ZSWIM5: variants seen among roughly 807,000 people sequenced by gnomAD.
The protein encoded by ZSWIM5 is zinc finger SWIM domain-containing protein 5.
Under a neutral mutation model 119.6 loss-of-function variants are expected in ZSWIM5, and 55 were observed. The observed-to-expected ratio is 0.46, with a 90% confidence interval of 0.37 to 0.58. The LOEUF (loss-of-function observed/expected upper bound fraction) is 0.58, where lower values mean the gene tolerates loss of function less well. ZSWIM5 is among the 20% of genes least tolerant of loss of function. ZSWIM5 has a pLI of 0.00. For synonymous variants in ZSWIM5, 537 were observed against 606.9 expected, an observed-to-expected ratio of 0.88 and a Z score of 1.69; for missense variants, 1,193 against 1,512.8, an observed-to-expected ratio of 0.79 and a Z score of 3.51.
chr1:45,167,778 C>T (rs1287569750), intron 1 of ZSWIM5, among the ~76,000 whole-genome samples: 2 of 152,124 alleles, frequency 1.3e-5, no homozygotes, highest in Non-Finnish European at 1.5e-5. Flanking sequence ...CAATGAGATA[C>T]CATCTCACAC....
At chr1:45,035,653 G>C in intron 10 of ZSWIM5, 35 bp downstream of exon 10, 1 of 1,607,448 alleles carries the variant, frequency 6.2e-7, no homozygotes, top group South Asian at 1.1e-5. Context: ...CTTCTGCTTT[G>C]GTGGAGGCAA....
chr1:45,105,378 A>T (rs1403623900), intron 1 of ZSWIM5, among the ~76,000 whole-genome samples: 1 of 152,146 alleles, frequency 6.6e-6, no homozygotes, highest in Non-Finnish European at 1.5e-5. Context: ...CACCCCGTCT[A>T]GGAAGTGAGC....
chr1:45,206,197 G>A lies in ZSWIM5; in HGVS notation c.154C>T (p.Leu52=). Residue 52 remains leucine, a synonymous_variant, in exon 1 of 14, where the codon CTG becomes TTG. Coordinates refer to ENST00000359600, the MANE Select transcript of ZSWIM5 (RefSeq NM_020883.2). ...AGGTGGGGGCGGGCCCCGAGGACCA[G>A]GCAGCTGCTGCCGACGCCCCCTGCC... The part of the protein sequence containing the change: ...GGAGGVGSSC[L]VLGARPHLQP... 1 of 1,600,384 alleles carries A rather than the reference G, an allele frequency of 6.2e-7. No homozygotes were observed. Among genetic ancestry groups the A allele is most frequent in the Non-Finnish European group, 8.5e-7 (1 of 1,174,782 alleles).
At chr1:45,065,279 A>C (rs2149002350) in intron 2 of ZSWIM5, among the ~76,000 whole-genome samples, 1 of 152,300 alleles carries the variant, frequency 6.6e-6, no homozygotes, top group Non-Finnish European at 1.5e-5. Flanking sequence ...CCAGCAGCAG[A>C]GGGCAGAGAT....
intron 1 of ZSWIM5, among the ~76,000 whole-genome samples, chr1:45,164,366 A>G (rs1319445096): frequency 2.0e-5 from 3 of 152,168 alleles, no homozygotes; most frequent in Admixed American, 2.0e-4. Context: ...CTGCAAAAAC[A>G]TGACAAATTG....
chr1:45,123,624 C>A (rs1645605691), intron 1 of ZSWIM5, among the ~76,000 whole-genome samples: 1 of 151,990 alleles, frequency 6.6e-6, no homozygotes, highest in African/African-American at 2.4e-5. Context: ...ACCTGTCAGA[C>A]TACAACAAAA....
intron 4 of ZSWIM5, among the ~76,000 whole-genome samples, chr1:45,053,945 C>T (rs1645105444): frequency 6.6e-6 from 1 of 152,074 alleles, no homozygotes; most frequent in Non-Finnish European, 1.5e-5. Context: ...ACATCACTCA[C>T]AAGACTGTTA....
intron 1 of ZSWIM5, among the ~76,000 whole-genome samples, chr1:45,193,938 G>GTATATATATATATATATATATATA (rs112350029): frequency 3.8e-4 from 55 of 146,246 alleles, no homozygotes; most frequent in African/African-American, 1.3e-3. Context: ...GTGCATATGT[G>GTATATATATATATATATATATATA]TATATATATA....
intron 2 of ZSWIM5, among the ~76,000 whole-genome samples, chr1:45,066,219 T>TC (rs532604303): frequency 1.1e-3 from 169 of 151,436 alleles, no homozygotes; most frequent in African/African-American, 3.7e-3. Flanking sequence ...TGTATAGTAT[T>TC]CCCCCCCATG....
intron 5 of ZSWIM5, among the ~76,000 whole-genome samples, chr1:45,050,409 C>A (rs993270818): frequency 6.6e-6 from 1 of 152,054 alleles, no homozygotes; most frequent in Admixed American, 6.6e-5. Flanking sequence ...CTGATAAAAT[C>A]TTCTACCAAT....
chr1:45,191,430 T>C (rs1646092794), intron 1 of ZSWIM5, among the ~76,000 whole-genome samples: 1 of 152,172 alleles, frequency 6.6e-6, no homozygotes, highest in Non-Finnish European at 1.5e-5. Flanking sequence ...GTAGTTCACC[T>C]TCATCTCTAC....
intron 1 of ZSWIM5, among the ~76,000 whole-genome samples, chr1:45,197,919 T>C (rs1646135652): frequency 6.6e-6 from 1 of 152,246 alleles, no homozygotes; most frequent in Non-Finnish European, 1.5e-5. Context: ...CTTTATAAAA[T>C]GTATATGGGG....
chr1:45,120,177 C>T (rs755480186), intron 1 of ZSWIM5, among the ~76,000 whole-genome samples: 1 of 152,166 alleles, frequency 6.6e-6, no homozygotes, highest in Non-Finnish European at 1.5e-5. Context: ...AACCCCATCT[C>T]TACTAAAACT....
chr1:45,032,895 T>C (rs1001441437), intron 11 of ZSWIM5, among the ~76,000 whole-genome samples: 2 of 152,196 alleles, frequency 1.3e-5, no homozygotes, highest in Non-Finnish European at 2.9e-5. Flanking sequence ...TTTTTTGTCC[T>C]TTGTAATGTA....
At chr1:45,163,965 T>C (rs1400275780) in intron 1 of ZSWIM5, among the ~76,000 whole-genome samples, 2 of 152,034 alleles carry the variant, frequency 1.3e-5, no homozygotes, top group Non-Finnish European at 1.5e-5. Flanking sequence ...AGGAAATACA[T>C]AGAACGCCAC....
chr1:45,176,662 T>A (rs1042746175), intron 1 of ZSWIM5, among the ~76,000 whole-genome samples: 2 of 152,030 alleles, frequency 1.3e-5, no homozygotes, highest in African/African-American at 2.4e-5. Flanking sequence ...AAATAACCAA[T>A]CTTTCATTGC....
At chr1:45,192,016 T>C (rs1231256149) in intron 1 of ZSWIM5, among the ~76,000 whole-genome samples, 2 of 152,142 alleles carry the variant, frequency 1.3e-5, no homozygotes, top group Admixed American at 6.5e-5. Flanking sequence ...TAGTAATCAC[T>C]CCCCTTACTC....
intron 1 of ZSWIM5, among the ~76,000 whole-genome samples, chr1:45,144,153 A>G (rs1198283135): frequency 6.6e-6 from 1 of 152,160 alleles, no homozygotes; most frequent in Non-Finnish European, 1.5e-5. Context: ...AAATTTATAC[A>G]GAAAGCCAAA....
At chr1:45,061,370 T>G (rs892842554) in intron 2 of ZSWIM5, among the ~76,000 whole-genome samples, 1 of 136,110 alleles carries the variant, frequency 7.3e-6, no homozygotes, top group South Asian at 2.7e-4. Context: ...AATCTATGCA[T>G]ACTTTTTTTT....
Sources: allele counts gnomAD v4.1 joint callset (sites outside exome capture counted in the v4.1 genomes callset), GRCh38; gene constraint gnomAD v4.1.1; transcripts MANE v1.5; gene names NCBI Gene and HGNC (gene_info 2026-07-23, HGNC 2026-07-21).